The following PRSS55 variants were observed in gnomAD, a reference collection of about 807,000 sequenced individuals.
PRSS55 encodes the protein serine protease 55, also known as probable serine protease UNQ9391/PRO34284.
PRSS55 carries 41 observed loss-of-function variants against 23.6 expected under a neutral mutation model. That is an observed-to-expected ratio of 1.74 (90% CI 1.35 to 2.26). The LOEUF is 2.26. Among genes scored for constraint, PRSS55 ranks in the 30% most tolerant of loss-of-function variants. The pLI, the probability that PRSS55 is intolerant of heterozygous loss-of-function variation, is 0.00. For missense variants in PRSS55, 669 were observed against 439.1 expected, an observed-to-expected ratio of 1.52 and a Z score of -4.68; for synonymous variants, 262 against 175.5, an observed-to-expected ratio of 1.49 and a Z score of -3.90.
rs1730445294 is a variant in PRSS55 at position 10,538,557 on chromosome 8, A to T, written c.823A>T (p.Ser275Cys). Reference protein sequence around the residue: ...YQVGIISWGKSCGEKNTPGIY... With the variant: ...YQVGIISWGKCCGEKNTPGIY... ...GGTGGGCATCATAAGCTGGGGAAAG[A>T]GCTGTGGAGAGAAGAACACCCCAGG... Residue 275 changes from serine (S) to cysteine (C), a missense_variant, in exon 5 of 5, where the codon AGC becomes TGC. Physicochemically the swap from Ser to Cys is moderately radical, Grantham distance 112. Transcript: ENST00000328655. The T allele has an allele frequency of 1.2e-6, 2 of 1,614,034 alleles. No homozygotes were observed. Among genetic ancestry groups the T allele is most frequent in the African/African-American group, 2.7e-5 (2 of 74,918 alleles).
chr8:10,532,887 C>G lies in PRSS55; in HGVS notation c.599-19C>G. 1 of 1,613,960 alleles carries G rather than the reference C, an allele frequency of 6.2e-7. No homozygotes were observed. The highest frequency in any genetic ancestry group is 8.5e-7 in the Non-Finnish European group (1 of 1,179,924). On this transcript the variant is annotated intron_variant, in intron 3 of 4. Transcript: ENST00000328655. ...ATGAGGCCCAGTGGCTTCTCTAATG[C>G]GCTTTCTCTCTGGGCCAGCTGACAA...
chr8:10,546,593 C>G (rs370942937), intron 4 of PRSS55, among the ~76,000 whole-genome samples: 2 of 152,186 alleles, frequency 1.3e-5, no homozygotes, highest in Non-Finnish European at 2.9e-5. Flanking sequence ...CCACGGTGCT[C>G]CTGTTGCCCC....
At chr8:10,550,081 G>C (rs1026900975) in intron 4 of PRSS55, among the ~76,000 whole-genome samples, 1 of 152,098 alleles carries the variant, frequency 6.6e-6, no homozygotes, top group African/African-American at 2.4e-5. Flanking sequence ...ACCATGCCCT[G>C]CTAATTTTTG....
chr8:10,529,384 T>C (rs1812159729), intron 1 of PRSS55, 123 bp from the exon 2 acceptor site: 2 of 993,696 alleles, frequency 2.0e-6, no homozygotes, highest in South Asian at 1.3e-5. Flanking sequence ...AGTGAGCTCC[T>C]CTCTAGAATG....
chr8:10,533,143 C>T, intron 4 of PRSS55, 95 bp downstream of exon 4: 2 of 1,340,956 alleles, frequency 1.5e-6, no homozygotes, highest in Non-Finnish European at 2.1e-6. Flanking sequence ...ATAGACAATT[C>T]TGAGTCTGGA....
rs761826111 is a variant in PRSS55 at position 10,538,585 on chromosome 8, T to G, written c.851T>G (p.Ile284Arg). The stretch of plus-strand genomic sequence containing the variant: ...TGTGGAGAGAAGAACACCCCAGGGA[T>G]ATACACCTCGTTGGTGAACTACAAC... ...KSCGEKNTPG[I>R]YTSLVNYNLW... Residue 284 changes from isoleucine to arginine, a missense_variant, in exon 5 of 5, where the codon ATA becomes AGA. Transcript: ENST00000328655. 4 of 1,614,090 alleles carry G rather than the reference T, an allele frequency of 2.5e-6. No individual in the cohort carries two copies. In the Admixed American group the frequency reaches 6.7e-5, roughly 27 times the overall value.
rs560455180 is a variant in PRSS55, at chr8:10,531,451, C to T, written c.504C>T (p.Leu168=). The change falls in exon 3 of 5, where the codon CTC becomes CTT. Residue 168 remains leucine (L), a synonymous_variant. Coordinates refer to ENST00000328655, the MANE Select transcript of PRSS55 (RefSeq NM_198464.4). ...TGCTGCTGGCTTCGCCCATCAAGCT[C>T]GATGACCTGAAGGTGCCCATCTGCC... ...ALLLLASPIK[L]DDLKVPICLP... 1.5e-5 allele frequency: 25 copies of T among 1,614,178 alleles called. No homozygotes were observed. The highest frequency in any genetic ancestry group is 3.3e-5 in the South Asian group (3 of 91,092).
In PRSS55 at chr8:10,538,661, G is replaced by A. The variant is rs1812544370; in HGVS notation, c.927G>A (p.Glu309=). 2 of 1,614,064 alleles carry A rather than the reference G, an allele frequency of 1.2e-6. No individual in the cohort carries two copies. Among genetic ancestry groups the A allele is most frequent in the Admixed American group, 1.7e-5 (1 of 60,006 alleles). ...TAGAGGGCAGGCCCTTCAATGCAGA[G>A]AAAAGGAGGACTTCTGTCAAACAGA... The part of the protein sequence containing the change: ...TQLEGRPFNA[E]KRRTSVKQKP... Residue 309 remains glutamate (E), a synonymous_variant, in exon 5 of 5, where the codon GAG becomes GAA. Coordinates refer to ENST00000328655, the MANE Select transcript of PRSS55 (RefSeq NM_198464.4).
chr8:10,527,098 C>A lies in PRSS55; in HGVS notation c.154+1359C>A, dbSNP rs368152925. On this transcript the variant is annotated intron_variant, in intron 1 of 4. Transcript: ENST00000328655. ...CATACTTATAAACCCACATTCTCAA[C>A]GTAATAAAATCACAAGTTTTAAATA... Among the ~76,000 whole-genome samples the A allele has an allele frequency of 2.6e-5, 4 of 152,322 alleles. No homozygotes were observed. The East Asian group carries it at 7.7e-4, about 29-fold the overall frequency.
downstream of PRSS55, among the ~76,000 whole-genome samples, chr8:10,542,615 C>T (rs186027063): frequency 2.0e-5 from 3 of 151,990 alleles, no homozygotes; most frequent in East Asian, 5.8e-4. Context: ...CATGTCTAAT[C>T]CCAGCACTTT....
At chr8:10,526,905 G>A (rs984661712) in intron 1 of PRSS55, among the ~76,000 whole-genome samples, 3 of 152,162 alleles carry the variant, frequency 2.0e-5, no homozygotes, top group Admixed American at 6.5e-5. Context: ...AAATCGTTTC[G>A]TGAATAAGCA....
chr8:10,548,955 T>C (rs1307158586), intron 4 of PRSS55, among the ~76,000 whole-genome samples: 2 of 152,194 alleles, frequency 1.3e-5, no homozygotes, highest in Non-Finnish European at 2.9e-5. Context: ...TCAAGCCCAC[T>C]GTGTGTCTTA....
chr8:10,552,221 T>C (rs1306925000), intron 4 of PRSS55, among the ~76,000 whole-genome samples: 1 of 152,256 alleles, frequency 6.6e-6, no homozygotes, highest in African/African-American at 2.4e-5. Context: ...AACTTACTGA[T>C]GCCCTCAAGA....
chr8:10,527,616 G>C (rs1170354417), intron 1 of PRSS55, among the ~76,000 whole-genome samples: 1 of 152,258 alleles, frequency 6.6e-6, no homozygotes. Flanking sequence ...GCTGCCTGGG[G>C]AAGAATATTT....
chr8:10,533,655 G>C (rs1286588077), intron 4 of PRSS55, among the ~76,000 whole-genome samples: 1 of 152,146 alleles, frequency 6.6e-6, no homozygotes, highest in Non-Finnish European at 1.5e-5. Flanking sequence ...CTCAAAGGAT[G>C]AATGATGACA....
intron 4 of PRSS55, among the ~76,000 whole-genome samples, chr8:10,551,578 T>A (rs1354316004): frequency 6.6e-6 from 1 of 152,192 alleles, no homozygotes; most frequent in Non-Finnish European, 1.5e-5. Context: ...TGCAAGGTCA[T>A]CTTGTGCGAG....
chr8:10,529,284 C>T, intron 1 of PRSS55: 1 of 593,130 alleles, frequency 1.7e-6, no homozygotes. Flanking sequence ...AGAGCCAATG[C>T]TTCTGACTCT....
chr8:10,538,611 C>A lies in PRSS55; in HGVS notation c.877C>A (p.Leu293Ile). Residue 293 changes from leucine (L) to isoleucine (I), a missense_variant, in exon 5 of 5, where the codon CTC (leucine) becomes ATC (isoleucine). Leu to Ile is a conservative substitution (Grantham distance 5). Transcript: ENST00000328655. ...ATACACCTCGTTGGTGAACTACAACCTCTGGATCGAGAAAGTGACCCAGCT... is the reference window on the plus strand; with the variant it reads ...ATACACCTCGTTGGTGAACTACAACATCTGGATCGAGAAAGTGACCCAGCT... The part of the protein sequence containing the change: ...GIYTSLVNYN[L>I]WIEKVTQLEG... 1 of 1,614,142 alleles carries A rather than the reference C, an allele frequency of 6.2e-7. No individual in the cohort carries two copies. Among genetic ancestry groups the A allele is most frequent in the Non-Finnish European group, 8.5e-7 (1 of 1,180,020 alleles).
At chr8:10,547,628 G>A (rs964130750) in intron 4 of PRSS55, 1 of 152,342 alleles carries the variant, frequency 6.6e-6, no homozygotes, top group African/African-American at 2.4e-5. Context: ...GAAATCCCAA[G>A]CTGGCACCTT....
Sources: allele counts gnomAD v4.1 joint callset (sites outside exome capture counted in the v4.1 genomes callset), GRCh38; gene constraint gnomAD v4.1.1; transcripts MANE v1.5; gene names NCBI Gene and HGNC (gene_info 2026-07-23, HGNC 2026-07-21).